The following HTR4 variants were observed in gnomAD, a reference collection of about 807,000 sequenced individuals.
HTR4 encodes the protein 5-hydroxytryptamine (serotonin) receptor 4, G protein-coupled.
In HTR4, 16 loss-of-function variants were observed where a neutral mutation model predicts 36.8. The ratio of observed to expected loss-of-function variants is 0.43; its 90% CI spans 0.29 to 0.66. HTR4 has a LOEUF of 0.66. HTR4 is among the 30% of genes least tolerant of loss of function. HTR4 has a pLI of 0.13. For synonymous variants in HTR4, 189 were observed against 185.1 expected (o/e 1.02, Z -0.17); for missense variants, 438 against 490.9 (o/e 0.89, Z 1.02).
At chr5:148,457,397 T>C (rs1755125236) in intron 5 of HTR4, among the ~76,000 whole-genome samples, 1 of 151,930 alleles carries the variant, frequency 6.6e-6, no homozygotes, top group South Asian at 2.1e-4. Flanking sequence ...TTAGATTTGG[T>C]AATTACCTGA....
downstream of HTR4, among the ~76,000 whole-genome samples, chr5:148,474,698 C>T (rs1755653543): frequency 6.6e-6 from 1 of 152,140 alleles, no homozygotes; most frequent in Non-Finnish European, 1.5e-5. Context: ...TTCTGTCTCT[C>T]ACCTTCTAGG....
At chr5:148,608,349 G>A (rs74945685) in intron 2 of HTR4, among the ~76,000 whole-genome samples, 2,562 of 152,054 alleles carry the variant, frequency 0.017, 122 homozygotes, top group East Asian at 0.12. Context: ...AAATATTAAG[G>A]GGACATTTTA....
intron 6 of HTR4, among the ~76,000 whole-genome samples, chr5:148,492,964 G>A (rs1337811322): frequency 6.6e-6 from 1 of 152,164 alleles, no homozygotes; most frequent in East Asian, 1.9e-4. Flanking sequence ...TCAATGGAAG[G>A]GATAATGTTT....
intron 5 of HTR4, among the ~76,000 whole-genome samples, chr5:148,520,338 A>T (rs779909670): frequency 6.6e-6 from 1 of 152,140 alleles, no homozygotes; most frequent in South Asian, 2.1e-4. Context: ...TTAAATAGGC[A>T]ATCCCTTTGG....
At chr5:148,473,354 A>G (rs1470389965), downstream of HTR4, among the ~76,000 whole-genome samples, 8 of 152,036 alleles carry the variant, frequency 5.3e-5, 1 homozygote, top group Admixed American at 5.2e-4. Flanking sequence ...CCTCATATGA[A>G]GTGGTGAGTA....
At chr5:148,630,756 A>G (rs1429699063) in intron 2 of HTR4, among the ~76,000 whole-genome samples, 1 of 152,144 alleles carries the variant, frequency 6.6e-6, no homozygotes, top group Non-Finnish European at 1.5e-5. Flanking sequence ...TGTGCAAAAT[A>G]CTATGTTAAG....
chr5:148,613,682 G>T (rs1365925140), intron 2 of HTR4, among the ~76,000 whole-genome samples: 1 of 149,424 alleles, frequency 6.7e-6, no homozygotes, highest in African/African-American at 2.5e-5. Context: ...TCTGGCCAGG[G>T]CAATTAGGCA....
chr5:148,467,543 G>T (rs543690616), intron 5 of HTR4, among the ~76,000 whole-genome samples: 251 of 152,214 alleles, frequency 1.6e-3, no homozygotes, highest in African/African-American at 5.7e-3. Flanking sequence ...ATGAACACTT[G>T]TTTCCACCAC....
chr5:148,500,229 T>C (rs147435137), intron 6 of HTR4, among the ~76,000 whole-genome samples: 32 of 152,270 alleles, frequency 2.1e-4, no homozygotes, highest in East Asian at 1.2e-3. Context: ...AGGAGTGTTA[T>C]GCCCTGGAGA....
chr5:148,468,974 C>T (rs1464563662), intron 5 of HTR4, among the ~76,000 whole-genome samples: 12 of 152,062 alleles, frequency 7.9e-5, no homozygotes, highest in African/African-American at 2.7e-4. Context: ...TCCCGTTCCG[C>T]CGTGATTGTA....
intron 2 of HTR4, among the ~76,000 whole-genome samples, chr5:148,607,706 C>T (rs952581772): frequency 1.3e-5 from 2 of 152,058 alleles, no homozygotes; most frequent in African/African-American, 4.8e-5. Context: ...CAAGTTGGTC[C>T]AATCATAAGA....
chr5:148,557,977 G>A (rs768972813), intron 2 of HTR4, among the ~76,000 whole-genome samples: 4 of 151,540 alleles, frequency 2.6e-5, no homozygotes, highest in East Asian at 1.9e-4. Flanking sequence ...AATGATCTCC[G>A]CAGTAAGTGT....
chr5:148,457,696 A>G (rs1490788745), intron 5 of HTR4, among the ~76,000 whole-genome samples: 4 of 146,422 alleles, frequency 2.7e-5, no homozygotes, highest in South Asian at 2.1e-4. Flanking sequence ...ATATTTTGAT[A>G]TATCATTAAA....
intron 2 of HTR4, among the ~76,000 whole-genome samples, chr5:148,582,363 A>G (rs1226567720): frequency 6.6e-6 from 1 of 151,856 alleles, no homozygotes; most frequent in African/African-American, 2.4e-5. Flanking sequence ...ATATTGTGTG[A>G]TGCTGAGGTT....
At chr5:148,625,230 G>T (rs778411533) in intron 2 of HTR4, among the ~76,000 whole-genome samples, 3 of 152,132 alleles carry the variant, frequency 2.0e-5, no homozygotes, top group Non-Finnish European at 4.4e-5. Flanking sequence ...CAGAAAAGAG[G>T]TGAAGCCTTA....
rs147794167 is a variant in HTR4, at chr5:148,486,437, C to A, written c.1077-3144G>T. ...CAGAGAAGAAAGCAGCAGAGTGTAG[C>A]AACCAGAAGACAGGGACCTGGGTTC... On this transcript the variant is annotated intron_variant, in intron 6 of 6. Coordinates refer to ENST00000377888, the MANE Select transcript of HTR4 (RefSeq NM_000870.7). Among the ~76,000 whole-genome samples, 15 of 152,280 alleles carry A rather than the reference C, an allele frequency of 9.9e-5. 1 individual carries two copies. The highest frequency in any genetic ancestry group is 3.6e-4 in the African/African-American group (15 of 41,560).
At chr5:148,527,007 A>C (rs1581427014) in intron 4 of HTR4, among the ~76,000 whole-genome samples, 1 of 152,224 alleles carries the variant, frequency 6.6e-6, no homozygotes, top group Admixed American at 6.5e-5. Context: ...TGTATCTTTC[A>C]AAATAGCTAG....
chr5:148,640,647 T>C (rs1753703504), intron 1 of HTR4, among the ~76,000 whole-genome samples: 1 of 152,198 alleles, frequency 6.6e-6, no homozygotes, highest in Admixed American at 6.5e-5. Flanking sequence ...ATGTCCTAAT[T>C]ACTAGAGCCA....
chr5:148,654,213 C>A lies in HTR4; in HGVS notation c.-199G>T. 2 of 985,158 alleles carry A rather than the reference C, an allele frequency of 2.0e-6. No individual in the cohort carries two copies. The highest frequency in any genetic ancestry group is 2.4e-6 in the Non-Finnish European group (2 of 829,848). The allele number at this position is 985,158 out of a possible 1,614,324, so 61.0% of individuals were successfully genotyped here. On this transcript the variant is annotated 5_prime_UTR_variant, in exon 1 of 7. Coordinates refer to ENST00000377888, the MANE Select transcript of HTR4 (RefSeq NM_000870.7). ...GCCCCCTCGGGTGCGGGCTCCAGCC[C>A]CCGCGCTGGGGAGCCGGCGAGCGTG...
Sources: allele counts gnomAD v4.1 joint callset (sites outside exome capture counted in the v4.1 genomes callset), GRCh38; gene constraint gnomAD v4.1.1; transcripts MANE v1.5; gene names NCBI Gene and HGNC (gene_info 2026-07-23, HGNC 2026-07-21).